The following NRCAM variants were observed in gnomAD, a reference collection of about 807,000 sequenced individuals.
NRCAM encodes NgCAM-related cell adhesion molecule.
A neutral mutation model predicts 156.5 loss-of-function variants in NRCAM; 83 were observed. The observed-to-expected ratio is 0.53, with a 90% confidence interval of 0.44 to 0.64. NRCAM has a LOEUF of 0.64. NRCAM is among the 30% of genes least tolerant of loss of function. NRCAM has a pLI of 0.00. For missense variants in NRCAM, 1,417 were observed against 1,597.3 expected, an observed-to-expected ratio of 0.89 and a Z score of 1.92; for synonymous variants, 538 against 563.9, an observed-to-expected ratio of 0.95 and a Z score of 0.65.
At position 108,149,302 on chromosome 7, in the gene NRCAM, G is replaced by T. The variant is rs1299268002; in HGVS notation, c.*608C>A. Reference sequence around the variant, plus strand: ...ACGGAGTAACAGGAGCCAAGAGTAGGTAATAGTTCTCAGTAAGCATCAGCA... The same window carrying T: ...ACGGAGTAACAGGAGCCAAGAGTAGTTAATAGTTCTCAGTAAGCATCAGCA... On this transcript the variant is annotated 3_prime_UTR_variant, in exon 33 of 33. Transcript: ENST00000379028. The T allele has an allele frequency of 6.6e-6, 1 of 152,584 alleles. No individual in the cohort carries two copies. The highest frequency in any genetic ancestry group is 1.9e-4 in the East Asian group (1 of 5,198). 9.5% of individuals were successfully genotyped at this position (152,584 alleles called of 1,614,324 possible). A position where few individuals can be genotyped will look rare whatever the true frequency, so the allele number is the denominator to read the frequency against.
chr7:108,422,090 G>A (rs138100270), intron 1 of NRCAM, among the ~76,000 whole-genome samples: 4 of 152,216 alleles, frequency 2.6e-5, no homozygotes, highest in Non-Finnish European at 5.9e-5. Flanking sequence ...CCTCCTCCAA[G>A]AGCCACTTCA....
intron 2 of NRCAM, among the ~76,000 whole-genome samples, chr7:108,373,730 T>C (rs1423751275): frequency 6.6e-6 from 1 of 152,182 alleles, no homozygotes; most frequent in Non-Finnish European, 1.5e-5. Context: ...ACTTGTGACT[T>C]GTGAACTACA....
chr7:108,401,383 C>CA (rs983207793), intron 1 of NRCAM, among the ~76,000 whole-genome samples: 2 of 151,560 alleles, frequency 1.3e-5, no homozygotes, highest in Non-Finnish European at 2.9e-5. Context: ...TACAAACAAA[C>CA]AAAAAAAATT....
intron 5 of NRCAM, 143 bp from the exon 6 acceptor site, chr7:108,234,831 C>T (rs754337410): frequency 1.3e-6 from 1 of 772,192 alleles, no homozygotes. Context: ...GCAGCATATA[C>T]TTCAGTAGAT....
intron 3 of NRCAM, among the ~76,000 whole-genome samples, chr7:108,302,864 C>T (rs2098649016): frequency 6.6e-6 from 1 of 152,198 alleles, no homozygotes; most frequent in Non-Finnish European, 1.5e-5. Context: ...AATTCAAACT[C>T]AGTATAGTAT....
chr7:108,164,732 G>C (rs1370787094), intron 30 of NRCAM, among the ~76,000 whole-genome samples: 5 of 152,120 alleles, frequency 3.3e-5, no homozygotes, highest in Non-Finnish European at 7.4e-5. Flanking sequence ...GCTCTTACAG[G>C]CGATGTGTTA....
chr7:108,205,105 G>C (rs1195321122), intron 13 of NRCAM, among the ~76,000 whole-genome samples: 2 of 152,188 alleles, frequency 1.3e-5, no homozygotes, highest in African/African-American at 4.8e-5. Flanking sequence ...CTAACTCCAA[G>C]GTTAAGAGGT....
intron 11 of NRCAM, among the ~76,000 whole-genome samples, chr7:108,218,175 G>GT (rs1394695093): frequency 1.1e-4 from 5 of 46,650 alleles, no homozygotes; most frequent in South Asian, 1.3e-3. Flanking sequence ...CCCTTGGCTG[G>GT]GGGGGGGGGG....
intron 2 of NRCAM, among the ~76,000 whole-genome samples, chr7:108,317,920 AAAAG>A (rs1023350771): frequency 7.3e-5 from 11 of 151,708 alleles, no homozygotes; most frequent in African/African-American, 1.9e-4. Flanking sequence ...GAAAAAAAAA[AAAAG>A]AAAGAAAGAA....
chr7:108,196,957 G>A (rs1343549407), intron 14 of NRCAM, among the ~76,000 whole-genome samples: 2 of 152,056 alleles, frequency 1.3e-5, no homozygotes, highest in East Asian at 1.9e-4. Context: ...GCCCACCAAT[G>A]AATGAATGGA....
chr7:108,268,646 G>C (rs13310633), intron 3 of NRCAM, among the ~76,000 whole-genome samples: 6 of 81,598 alleles, frequency 7.4e-5, no homozygotes, highest in Admixed American at 2.7e-4. Flanking sequence ...TGGGGGGGGC[G>C]GCGGTGGCGG....
At chr7:108,192,387 A>AAT (rs888353551) in intron 17 of NRCAM, among the ~76,000 whole-genome samples, 32 of 152,180 alleles carry the variant, frequency 2.1e-4, no homozygotes, top group South Asian at 1.7e-3. Flanking sequence ...TACATGTAAT[A>AAT]ATATATATAT....
chr7:108,414,762 G>C (rs1268868814), intron 1 of NRCAM, among the ~76,000 whole-genome samples: 1 of 152,114 alleles, frequency 6.6e-6, no homozygotes, highest in Non-Finnish European at 1.5e-5. Flanking sequence ...CTAGGAAGAG[G>C]GGCTTAAAAA....
At chr7:108,162,332 A>G (rs1412587828) in intron 30 of NRCAM, among the ~76,000 whole-genome samples, 3 of 152,250 alleles carry the variant, frequency 2.0e-5, no homozygotes, top group African/African-American at 4.8e-5. Flanking sequence ...GTCCATCATT[A>G]CATCCTCTTT....
intron 13 of NRCAM, among the ~76,000 whole-genome samples, chr7:108,203,085 G>A (rs2079070439): frequency 6.6e-6 from 1 of 152,188 alleles, no homozygotes; most frequent in African/African-American, 2.4e-5. Context: ...GTGTGGCTTT[G>A]AAGTCCTGAA....
chr7:108,384,521 A>G (rs2099729833), intron 2 of NRCAM, among the ~76,000 whole-genome samples: 1 of 152,218 alleles, frequency 6.6e-6, no homozygotes, highest in Non-Finnish European at 1.5e-5. Flanking sequence ...GTCCTCTTCA[A>G]AGGAAAGGAG....
intron 13 of NRCAM, among the ~76,000 whole-genome samples, chr7:108,204,656 G>T (rs1420936970): frequency 6.6e-6 from 1 of 152,158 alleles, no homozygotes; most frequent in East Asian, 1.9e-4. Context: ...CTCCCTGCAC[G>T]TCCACTAGAG....
intron 1 of NRCAM, among the ~76,000 whole-genome samples, chr7:108,405,819 G>T (rs527265299): frequency 6.6e-6 from 1 of 152,198 alleles, no homozygotes; most frequent in Admixed American, 6.5e-5. Context: ...TCATATTTTT[G>T]AATTAAGAGG....
chr7:108,330,809 A>T (rs2099119123), intron 2 of NRCAM, among the ~76,000 whole-genome samples: 1 of 152,182 alleles, frequency 6.6e-6, no homozygotes, highest in Admixed American at 6.5e-5. Flanking sequence ...ATTATATTTT[A>T]TCATCTGGTT....
Sources: gnomAD v4.1 joint callset for allele counts (sites outside exome capture counted in the v4.1 genomes callset) on GRCh38, gnomAD v4.1.1 for gene constraint, MANE v1.5 for transcripts, NCBI Gene and HGNC (gene_info 2026-07-23, HGNC 2026-07-21) for gene names.